DGCR6L: variants seen among roughly 807,000 people sequenced by gnomAD.
DGCR6L encodes the protein protein DGCR6L.
DGCR6L carries 24 observed loss-of-function variants against 31.1 expected under a neutral mutation model. The ratio of observed to expected loss-of-function variants is 0.77; its 90% CI spans 0.56 to 1.08. DGCR6L has a LOEUF of 1.08. Among genes scored for constraint, DGCR6L ranks in the 50% least tolerant of loss-of-function variants. The pLI, the probability that DGCR6L is intolerant of heterozygous loss-of-function variation, is 0.00. For missense variants in DGCR6L, 218 were observed against 287.1 expected, an observed-to-expected ratio of 0.76 and a Z score of 1.74; for synonymous variants, 104 against 126.1, an observed-to-expected ratio of 0.82 and a Z score of 1.17.
intron 2 of DGCR6L, among the ~76,000 whole-genome samples, chr22:20,317,122 G>T (rs2074516954): frequency 6.6e-6 from 1 of 152,196 alleles, no homozygotes; most frequent in African/African-American, 2.4e-5. Flanking sequence ...GCTCTTCTCT[G>T]GTGGCCAGTC....
In DGCR6L at chr22:20,319,894, A is replaced by T; in HGVS notation, c.95T>A (p.Val32Glu). Residue 32 changes from valine (V) to glutamate (E), a missense_variant, in exon 1 of 5, where the codon GTG (valine) becomes GAG (glutamate). Coordinates refer to ENST00000248879, the MANE Select transcript of DGCR6L (RefSeq NM_033257.4). ...YQLLSALQSL[V>E]KELPSSFQQR... ...GCCTGCGTACCTGGGCAACTCCTTC[A>T]CCAGGCTCTGTAGCGCCGACAGCAA... 6.2e-7 allele frequency: 1 copy of T among 1,610,416 alleles called. No individual in the cohort carries two copies. The highest frequency in any genetic ancestry group is 8.5e-7 in the Non-Finnish European group (1 of 1,178,966).
rs1569059786 is a variant in DGCR6L, at chr22:20,314,456, C to T, written c.*219G>A. The stretch of plus-strand genomic sequence containing the variant: ...AGTAAGGTGTGAGAACCCCCAGCCT[C>T]ACTCTCTGCCTGGTCCTGAAGCAGA... On this transcript the variant is annotated 3_prime_UTR_variant, in exon 5 of 5. Coordinates refer to ENST00000248879, the MANE Select transcript of DGCR6L (RefSeq NM_033257.4). 6.3e-6 allele frequency: 5 copies of T among 797,004 alleles called. No individual in the cohort carries two copies. The highest frequency in any genetic ancestry group is 2.4e-5 in the South Asian group (1 of 41,784). The allele number at this position is 797,004 out of a possible 1,614,324, so 49.4% of individuals were successfully genotyped here.
chr22:20,316,580 C>G (rs1602680197), intron 2 of DGCR6L, among the ~76,000 whole-genome samples: 2 of 151,936 alleles, frequency 1.3e-5, no homozygotes, highest in African/African-American at 4.8e-5. Flanking sequence ...GACATCTACT[C>G]AAGTGTCAGA....
intron 2 of DGCR6L, among the ~76,000 whole-genome samples, chr22:20,317,630 T>C (rs756477957): frequency 7.2e-5 from 11 of 152,188 alleles, no homozygotes; most frequent in African/African-American, 2.7e-4. Context: ...TATAGCTCTG[T>C]GGAAAAATGG....
At chr22:20,316,634 G>A (rs2051573473) in intron 2 of DGCR6L, among the ~76,000 whole-genome samples, 1 of 152,208 alleles carries the variant, frequency 6.6e-6, no homozygotes, top group South Asian at 2.1e-4. Context: ...GGAGGAGCGG[G>A]GTCGCTGACC....
rs775875398 is a variant in DGCR6L at position 20,315,352 on chromosome 22, A to G, written c.497T>C (p.Val166Ala). The change falls in exon 4 of 5, where the codon GTG (valine) becomes GCG (alanine). Residue 166 changes from valine (V) to alanine (A), a missense_variant. Physicochemically the swap from Val to Ala is moderately conservative, Grantham distance 64. This residue lies in a region of DGCR6L where 58 missense variants were observed against 105.4 expected (regional missense o/e 0.55). Transcript: ENST00000248879. The part of the protein sequence containing the change: ...LEKAGVAGFY[V>A]TTNPQELMLQ... ...GGCACTGACCTGTGGGTTGGTGGTC[A>G]CGTAGAAGCCAGCCACCCCCGCCTT... 1.2e-6 allele frequency: 2 copies of G among 1,613,516 alleles called. No homozygotes were observed. The highest frequency in any genetic ancestry group is 3.3e-5 in the Admixed American group (2 of 59,970).
At chr22:20,315,287 T>G in intron 4 of DGCR6L, 49 bp downstream of exon 4, 1 of 1,577,960 alleles carries the variant, frequency 6.3e-7, no homozygotes, top group Non-Finnish European at 8.6e-7. Flanking sequence ...CCAGATGGAA[T>G]GGGGCCCCGG....
In DGCR6L at chr22:20,320,019, G is replaced by A. The variant is rs1273518112; in HGVS notation, c.-31C>T. 7.9e-6 allele frequency: 12 copies of A among 1,516,736 alleles called. No individual in the cohort carries two copies. In the East Asian group the frequency reaches 2.7e-4, roughly 34 times the overall value. The allele number at this position is 1,516,736 out of a possible 1,614,324, so 94.0% of individuals were successfully genotyped here. A position where few individuals can be genotyped will look rare whatever the true frequency, so the allele number is the denominator to read the frequency against. On this transcript the variant is annotated 5_prime_UTR_variant, in exon 1 of 5. Transcript: ENST00000248879. Reference sequence around the variant, plus strand: ...GGACGCCCGCTAGCCGCCGGCGGCGGCGACGAGCTCCCCCAGCTTCACGAC... The same window carrying A: ...GGACGCCCGCTAGCCGCCGGCGGCGACGACGAGCTCCCCCAGCTTCACGAC...
In DGCR6L at chr22:20,315,132, C is replaced by T. The variant is rs1220568233; in HGVS notation, c.513+204G>A. The T allele has an allele frequency of 4.5e-6, 6 of 1,331,304 alleles. No individual in the cohort carries two copies. The East Asian group carries it at 1.5e-4, about 33-fold the overall frequency. The allele number at this position is 1,331,304 out of a possible 1,614,324, so 82.5% of individuals were successfully genotyped here. ...GCAGGCCTGGAGAGGGTGGGCAGTG[C>T]CCATGGCTGGCTGGCTCACCCTCCT... is the stretch of plus-strand genomic sequence containing the variant. On this transcript the variant is annotated intron_variant, in intron 4 of 4. Transcript: ENST00000248879.
chr22:20,317,658 A>G (rs2051580563), intron 2 of DGCR6L, among the ~76,000 whole-genome samples: 1 of 152,260 alleles, frequency 6.6e-6, no homozygotes, highest in African/African-American at 2.4e-5. Context: ...CAGGACTGAG[A>G]CACGGAGAAA....
intron 3 of DGCR6L, 87 bp downstream of exon 3, chr22:20,316,032 C>T: frequency 6.9e-7 from 1 of 1,449,256 alleles, no homozygotes; most frequent in Non-Finnish European, 9.2e-7. Flanking sequence ...CCTGAGCCCC[C>T]ACACCCCTTC....
chr22:20,314,673 G>A lies in DGCR6L; in HGVS notation c.*2C>T. The stretch of plus-strand genomic sequence containing the variant: ...CTCTGCCCAGACTTCTGCTGCCTGT[G>A]GCTATGGTGGGACAGGGCTGCCTTT... On this transcript the variant is annotated 3_prime_UTR_variant, in exon 5 of 5. Transcript: ENST00000248879. 6.3e-7 allele frequency: 1 copy of A among 1,591,532 alleles called. No homozygotes were observed. The highest frequency in any genetic ancestry group is 8.6e-7 in the Non-Finnish European group (1 of 1,166,270).
intron 2 of DGCR6L, among the ~76,000 whole-genome samples, chr22:20,317,043 G>A (rs2051576445): frequency 6.6e-6 from 1 of 152,178 alleles, no homozygotes; most frequent in Non-Finnish European, 1.5e-5. Flanking sequence ...CCCCAGGAGG[G>A]AGGGGTCCCT....
intron 3 of DGCR6L, 75 bp downstream of exon 3, chr22:20,316,044 G>A: frequency 6.7e-7 from 1 of 1,484,496 alleles, no homozygotes. Context: ...CACCCCTTCA[G>A]CTCAGCCCAG....
Position 20,316,186 on chromosome 22 carries a change from T to G in DGCR6L, c.305A>C (p.Glu102Ala). The G allele has an allele frequency of 6.2e-7, 1 of 1,609,124 alleles. No individual in the cohort carries two copies. The highest frequency in any genetic ancestry group is 8.5e-7 in the Non-Finnish European group (1 of 1,179,016). Reference sequence around the variant, plus strand: ...GTGGGGCCGGCAGGCCTGCTGGGCTTCCTGGTGCTTCTGCCGCAGCGCCTG... The same window carrying G: ...GTGGGGCCGGCAGGCCTGCTGGGCTGCCTGGTGCTTCTGCCGCAGCGCCTG... ...LRQALRQKHQ[E>A]AQQACRPHNL... is the part of the protein sequence containing the mutation. Residue 102 changes from glutamate to alanine, a missense_variant, in exon 3 of 5, where the codon GAA becomes GCA. Coordinates refer to ENST00000248879, the MANE Select transcript of DGCR6L (RefSeq NM_033257.4).
At chr22:20,316,846 C>A (rs1230707711) in intron 2 of DGCR6L, among the ~76,000 whole-genome samples, 2 of 152,200 alleles carry the variant, frequency 1.3e-5, no homozygotes, top group East Asian at 3.9e-4. Flanking sequence ...GAGGGGCTCA[C>A]CCTCAGCCAT....
intron 2 of DGCR6L, among the ~76,000 whole-genome samples, chr22:20,318,947 C>T (rs2051588521): frequency 6.6e-6 from 1 of 152,204 alleles, no homozygotes; most frequent in South Asian, 2.1e-4. Context: ...AGAACTAGAG[C>T]AAAACGTTAA....
Position 20,316,206 on chromosome 22 carries a change from C to T in DGCR6L, c.285G>A (p.Ala95=), listed in dbSNP as rs1262781721. Residue 95 remains alanine, a synonymous_variant, in exon 3 of 5, where the codon GCG becomes GCA. Transcript: ENST00000248879. ...GGGCTTCCTGGTGCTTCTGCCGCAGCGCCTGCCTGAGCACTGGGAGGGATG... is the reference window on the plus strand; with the variant it reads ...GGGCTTCCTGGTGCTTCTGCCGCAGTGCCTGCCTGAGCACTGGGAGGGATG... ...LQNEHRVLRQ[A]LRQKHQEAQQ... The T allele has an allele frequency of 5.0e-6, 8 of 1,605,168 alleles. No homozygotes were observed. Among genetic ancestry groups the T allele is most frequent in the Admixed American group, 3.4e-5 (2 of 59,008 alleles).
chr22:20,317,109 G>A (rs1569060974), intron 2 of DGCR6L, among the ~76,000 whole-genome samples: 1 of 152,190 alleles, frequency 6.6e-6, no homozygotes, highest in Non-Finnish European at 1.5e-5. Context: ...CCCTGATGTT[G>A]CAGCTCTTCT....
Sources: allele counts gnomAD v4.1 joint callset (sites outside exome capture counted in the v4.1 genomes callset), GRCh38; gene constraint gnomAD v4.1.1; regional missense constraint gnomAD v4.1.1; transcripts MANE v1.5; gene names NCBI Gene and HGNC (gene_info 2026-07-23, HGNC 2026-07-21).